PGM3: variants seen among roughly 807,000 people sequenced by gnomAD.
The protein encoded by PGM3 is phosphoglucomutase 3.
Under a neutral mutation model 66.2 loss-of-function variants are expected in PGM3, and 40 were observed. The observed-to-expected ratio is 0.60, with a 90% CI of 0.47 to 0.79. PGM3 has a LOEUF of 0.79. Ranked by LOEUF, PGM3 falls within the 30% of genes least tolerant of loss-of-function variation. PGM3 has a pLI of 0.00. For synonymous variants in PGM3, 191 were observed against 224.2 expected (o/e 0.85, Z 1.32); for missense variants, 537 against 643.4 (o/e 0.83, Z 1.79).
Position 83,166,664 on chromosome 6 carries a change from A to C in PGM3, c.*2570T>G. On this transcript the variant is annotated 3_prime_UTR_variant, in exon 13 of 13. Coordinates refer to ENST00000513973, the MANE Select transcript of PGM3 (RefSeq NM_015599.3). ...CAAATTTCAACAATGCAAAAACCGC[A>C]ATTACGTTTGCACCAACCTAATATT... 4 of 1,262,092 alleles carry C rather than the reference A, an allele frequency of 3.2e-6. No individual in the cohort carries two copies. The highest frequency in any genetic ancestry group is 4.0e-6 in the Non-Finnish European group (4 of 987,720). The allele number at this position is 1,262,092 out of a possible 1,614,324, so 78.2% of individuals were successfully genotyped here. A position where few individuals can be genotyped will look rare whatever the true frequency, so the allele number is the denominator to read the frequency against.
At chr6:83,182,507 A>G (rs953086467) in intron 5 of PGM3, among the ~76,000 whole-genome samples, 3 of 152,232 alleles carry the variant, frequency 2.0e-5, no homozygotes, top group African/African-American at 7.2e-5. Context: ...GAAAATCTCA[A>G]TAGTACATGC....
the PGM3 span, chr6:83,155,807 T>C: frequency 2.3e-6 from 2 of 887,712 alleles, no homozygotes; most frequent in Non-Finnish European, 1.7e-6. Flanking sequence ...TGCCAGCCTG[T>C]CTGCCCCAGA....
chr6:83,151,948 A>G, the PGM3 span: 16 of 1,613,846 alleles, frequency 9.9e-6, no homozygotes, highest in Non-Finnish European at 1.4e-5. Context: ...AACAGACAAC[A>G]TGGCTGCGAC....
At chr6:83,154,304 T>A in the PGM3 span, 3 of 1,455,630 alleles carry the variant, frequency 2.1e-6, no homozygotes. Context: ...TACTATTTAC[T>A]TGTACTCTTT....
At chr6:83,191,042 G>A in intron 1 of PGM3, 28 bp from the exon 2 acceptor site, 1 of 1,589,930 alleles carries the variant, frequency 6.3e-7, no homozygotes, top group Non-Finnish European at 8.6e-7. Context: ...ATTGTTTCGG[G>A]CATAACAAGT....
At chr6:83,153,068 C>T in the PGM3 span, among the ~76,000 whole-genome samples, 2 of 152,086 alleles carry the variant, frequency 1.3e-5, no homozygotes, top group African/African-American at 4.8e-5. Flanking sequence ...GGATAGTGAC[C>T]TTTACAAAGA....
chr6:83,158,480 T>G (rs1317766093), downstream of PGM3: 2 of 1,053,708 alleles, frequency 1.9e-6, no homozygotes, highest in Non-Finnish European at 2.8e-6. Flanking sequence ...AAATTTGTTT[T>G]TGCGTTAATG....
the PGM3 span, among the ~76,000 whole-genome samples, chr6:83,150,530 T>C: frequency 6.6e-6 from 1 of 152,220 alleles, no homozygotes; most frequent in African/African-American, 2.4e-5. Context: ...TTTTAAAATT[T>C]GTCAGTTTAC....
intron 10 of PGM3, among the ~76,000 whole-genome samples, chr6:83,172,266 G>A (rs1191345708): frequency 2.0e-5 from 3 of 152,128 alleles, no homozygotes; most frequent in African/African-American, 7.2e-5. Flanking sequence ...CAGGTGTGGT[G>A]GCATACACCT....
chr6:83,187,168 A>G, intron 3 of PGM3, 93 bp from the exon 4 acceptor site: 3 of 748,052 alleles, frequency 4.0e-6, no homozygotes. Flanking sequence ...CATGCTACAA[A>G]TTTCAAAATA....
chr6:83,162,961 A>C, downstream of PGM3: 1 of 1,576,836 alleles, frequency 6.3e-7, no homozygotes, highest in Non-Finnish European at 8.6e-7. Context: ...ACATCACTAC[A>C]TGTTGCATTA....
chr6:83,168,417 T>C lies in PGM3; in HGVS notation c.*817A>G, dbSNP rs1786374966. On this transcript the variant is annotated 3_prime_UTR_variant, in exon 13 of 13. Transcript: ENST00000513973. ...ATACACATGTAAAGTCCATTGTTTTTATTGTCCTGAGTTGTCTTAAACCTG... is the reference window on the plus strand; with the variant it reads ...ATACACATGTAAAGTCCATTGTTTTCATTGTCCTGAGTTGTCTTAAACCTG... 1 of 1,200,858 alleles carries C rather than the reference T, an allele frequency of 8.3e-7. No homozygotes were observed. 74.4% of individuals were successfully genotyped at this position (1,200,858 alleles called of 1,614,324 possible).
At chr6:83,162,700 G>C (rs1784512143), downstream of PGM3, 5 of 1,393,784 alleles carry the variant, frequency 3.6e-6, no homozygotes, top group South Asian at 6.9e-5. Context: ...TAAGCAGTGG[G>C]GTCATGATCT....
chr6:83,163,426 A>G (rs1211150370), downstream of PGM3, among the ~76,000 whole-genome samples: 1 of 152,352 alleles, frequency 6.6e-6, no homozygotes, highest in African/African-American at 2.4e-5. Context: ...AAGATTATAC[A>G]TTTTAAATTT....
At chr6:83,161,437 A>G (rs189507862), downstream of PGM3, among the ~76,000 whole-genome samples, 203 of 152,330 alleles carry the variant, frequency 1.3e-3, 2 homozygotes, top group African/African-American at 4.7e-3. Flanking sequence ...AAAAGTATCC[A>G]TGTAACTAAA....
intron 10 of PGM3, among the ~76,000 whole-genome samples, chr6:83,172,337 G>A (rs1366989322): frequency 6.6e-6 from 1 of 152,160 alleles, no homozygotes; most frequent in Non-Finnish European, 1.5e-5. Context: ...AGGAGTTTGA[G>A]GCTGCAGTGT....
intron 8 of PGM3, 195 bp from the exon 9 acceptor site, chr6:83,176,255 G>GA (rs1288456536): frequency 1.0e-5 from 5 of 483,832 alleles, no homozygotes; most frequent in Non-Finnish European, 1.9e-5. Context: ...ACGCAGCCAA[G>GA]GGTAAAGCAC....
downstream of PGM3, chr6:83,159,754 T>TAA: frequency 6.2e-7 from 1 of 1,610,974 alleles, no homozygotes; most frequent in Non-Finnish European, 8.5e-7. Context: ...TTCCTGTGAG[T>TAA]AAATGGGTCC....
At chr6:83,178,560 C>T in intron 8 of PGM3, 113 bp downstream of exon 8, 1 of 700,182 alleles carries the variant, frequency 1.4e-6, no homozygotes, top group Non-Finnish European at 2.6e-6. Flanking sequence ...TTTACATGAA[C>T]AGCAGCTCAG....
Sources: gnomAD v4.1 joint callset for allele counts (sites outside exome capture counted in the v4.1 genomes callset) on GRCh38, gnomAD v4.1.1 for gene constraint, MANE v1.5 for transcripts, NCBI Gene and HGNC (gene_info 2026-07-23, HGNC 2026-07-21) for gene names.